Variants in DYNC1LI2 observed in about 807,000 individuals in gnomAD.
The protein encoded by DYNC1LI2 is cytoplasmic dynein 1 light intermediate chain 2.
In DYNC1LI2, 19 loss-of-function variants were observed where a neutral mutation model predicts 57.8. The ratio of observed to expected loss-of-function variants is 0.33; its 90% CI spans 0.23 to 0.48. DYNC1LI2 has a LOEUF of 0.48. DYNC1LI2 is among the 20% of genes least tolerant of loss of function. The pLI, the probability that DYNC1LI2 is intolerant of heterozygous loss-of-function variation, is 0.99. For synonymous variants in DYNC1LI2, 256 were observed against 233.4 expected (o/e 1.10, Z -0.88); for missense variants, 470 against 604.2 (o/e 0.78, Z 2.33).
At chr16:66,738,975 C>CCAT in intron 4 of DYNC1LI2, 1 of 149,798 alleles carries the variant, frequency 6.7e-6, no homozygotes, top group South Asian at 2.1e-4. Flanking sequence ...GTCAAGTAAA[C>CCAT]CATACTCCAT....
In DYNC1LI2 at chr16:66,729,104, G is replaced by T. The variant is rs999377295; in HGVS notation, c.1042-5C>A. 1 of 1,614,062 alleles carries T rather than the reference G, an allele frequency of 6.2e-7. No individual in the cohort carries two copies. The highest frequency in any genetic ancestry group is 1.3e-5 in the African/African-American group (1 of 75,052). On this transcript the variant is annotated splice_polypyrimidine_tract_variant and splice_region_variant and intron_variant, in intron 8 of 12. Transcript: ENST00000258198. ...CAACTCTTTGTCGTGGACCAGCTGTGAAACAACATACATGTTTGTGGCCAC... is the reference window on the plus strand; with the variant it reads ...CAACTCTTTGTCGTGGACCAGCTGTTAAACAACATACATGTTTGTGGCCAC...
chr16:66,744,175 C>T (rs2017895441), intron 3 of DYNC1LI2, among the ~76,000 whole-genome samples: 1 of 152,138 alleles, frequency 6.6e-6, no homozygotes, highest in Non-Finnish European at 1.5e-5. Context: ...CTTCAGCCTT[C>T]CAAGTAGCTG....
At position 66,750,641 on chromosome 16, in the gene DYNC1LI2, AGTGTT is replaced by A. The variant is rs1310218906; in HGVS notation, c.181+627_181+631del. ...TTCCACCAGACTGAGATTCTTCTAT[AGTGTT>A]TAAGAGTCGCCTATGCTGAGCCTGT... On this transcript the variant is annotated intron_variant, in intron 2 of 12. Coordinates refer to ENST00000258198, the MANE Select transcript of DYNC1LI2 (RefSeq NM_006141.3). Among the ~76,000 whole-genome samples the A allele has an allele frequency of 2.5e-4, 38 of 152,262 alleles. No homozygotes were observed. In the East Asian group the frequency reaches 7.2e-3, roughly 29 times the overall value.
Position 66,730,369 on chromosome 16 carries a change from G to A in DYNC1LI2, c.930-146C>T, listed in dbSNP as rs184879591. On this transcript the variant is annotated intron_variant, in intron 7 of 12. Transcript: ENST00000258198. ...GGGTTGTTTGTAGCTTTTGGCAGATGTGCCAAAATACACTGTGGGTATAAT... is the reference window on the plus strand; with the variant it reads ...GGGTTGTTTGTAGCTTTTGGCAGATATGCCAAAATACACTGTGGGTATAAT... The A allele has an allele frequency of 2.8e-5, 18 of 644,856 alleles. No individual in the cohort carries two copies. The East Asian group carries it at 4.6e-4, about 16-fold the overall frequency. The allele number at this position is 644,856 out of a possible 1,614,324, so 39.9% of individuals were successfully genotyped here. A position where few individuals can be genotyped will look rare whatever the true frequency, so the allele number is the denominator to read the frequency against.
At chr16:66,734,366 G>A (rs2017693208) in intron 5 of DYNC1LI2, 55 bp from the exon 6 acceptor site, 1 of 1,520,662 alleles carries the variant, frequency 6.6e-7, no homozygotes, top group African/African-American at 1.4e-5. Flanking sequence ...CTGACGATGG[G>A]AACACCTCAT....
chr16:66,735,100 G>GTTTTTT (rs71145936), intron 5 of DYNC1LI2, among the ~76,000 whole-genome samples: 27 of 134,780 alleles, frequency 2.0e-4, no homozygotes, highest in Non-Finnish European at 2.7e-4. Context: ...AACTTTGTTT[G>GTTTTTT]TTTTTTTTTT....
intron 3 of DYNC1LI2, among the ~76,000 whole-genome samples, chr16:66,743,059 G>A (rs550923732): frequency 2.0e-5 from 3 of 152,232 alleles, no homozygotes; most frequent in East Asian, 1.9e-4. Flanking sequence ...CTACTTAGGA[G>A]GCTGAGGCAG....
chr16:66,741,897 CAAAAAAAAA>C lies in DYNC1LI2; in HGVS notation c.529+532_529+540del, dbSNP rs66527903. ...TTAAAATAACCTTTCATGTTAATTA[CAAAAAAAAA>C]AAAAAAAAAAAAAAGACCCTCCTAT... On this transcript the variant is annotated intron_variant, in intron 4 of 12. Transcript: ENST00000258198. 6.1e-3 allele frequency among the ~76,000 whole-genome samples: 652 copies of C among 106,826 alleles called. 8 individuals carry two copies. The highest frequency in any genetic ancestry group is 0.022 in the African/African-American group (623 of 27,782). The allele number at this position is 106,826 out of a possible 152,430, so 70.1% of individuals were successfully genotyped here.
chr16:66,736,504 G>C (rs967870106), intron 4 of DYNC1LI2, among the ~76,000 whole-genome samples: 4 of 152,114 alleles, frequency 2.6e-5, no homozygotes, highest in Admixed American at 6.6e-5. Context: ...CCAAACCCCT[G>C]AACAGGTTTT....
At chr16:66,743,955 T>C (rs1435484439) in intron 3 of DYNC1LI2, among the ~76,000 whole-genome samples, 2 of 152,236 alleles carry the variant, frequency 1.3e-5, no homozygotes, top group South Asian at 2.1e-4. Flanking sequence ...TATGGCAGTA[T>C]ACATAGATAA....
Position 66,730,239 on chromosome 16 carries a change from G to A in DYNC1LI2, c.930-16C>T, listed in dbSNP as rs2017611646. ...GCCTGCAGGTCTAAAGGCAAAGAGA[G>A]AGGGACTGAATTGCTTTTCCTGGGG... On this transcript the variant is annotated splice_polypyrimidine_tract_variant and intron_variant, in intron 7 of 12. Coordinates refer to ENST00000258198, the MANE Select transcript of DYNC1LI2 (RefSeq NM_006141.3). The A allele has an allele frequency of 6.2e-7, 1 of 1,607,632 alleles. No individual in the cohort carries two copies. Among genetic ancestry groups the A allele is most frequent in the African/African-American group, 1.3e-5 (1 of 74,670 alleles).
In DYNC1LI2 at chr16:66,722,371, C is replaced by T. The variant is rs1164973934; in HGVS notation, c.*1351G>A. The T allele has an allele frequency of 6.6e-6, 1 of 152,536 alleles. No homozygotes were observed. The highest frequency in any genetic ancestry group is 1.5e-5 in the Non-Finnish European group (1 of 68,034). 9.4% of individuals were successfully genotyped at this position (152,536 alleles called of 1,614,324 possible). ...TTGACAACATTTTATACATTAAATT[C>T]ATGGTAGTGTTTGCATTTAAATGCT... On this transcript the variant is annotated 3_prime_UTR_variant, in exon 13 of 13. Transcript: ENST00000258198.
chr16:66,732,103 G>C, intron 7 of DYNC1LI2: 1 of 455,142 alleles, frequency 2.2e-6, no homozygotes, highest in Middle Eastern at 5.7e-4. Context: ...GCCAAAAATG[G>C]CTGGCTTAGG....
In DYNC1LI2 at chr16:66,751,201, G is replaced by A. The variant is rs2018042559; in HGVS notation, c.181+72C>T. 6.6e-6 allele frequency: 10 copies of A among 1,519,650 alleles called. No homozygotes were observed. The highest frequency in any genetic ancestry group is 4.2e-5 in the African/African-American group (3 of 71,600). 94.1% of individuals were successfully genotyped at this position (1,519,650 alleles called of 1,614,324 possible). A position where few individuals can be genotyped will look rare whatever the true frequency, so the allele number is the denominator to read the frequency against. On this transcript the variant is annotated intron_variant, in intron 2 of 12. Coordinates refer to ENST00000258198, the MANE Select transcript of DYNC1LI2 (RefSeq NM_006141.3). The surrounding 1 kb of genome is among the most constrained non-coding windows in gnomAD (Gnocchi z 5.2). ...GCAGGCGGCTGGAACGGGGAAGGCG[G>A]GGACCTGAGGGAGGGGCGCCCGCCT... is the stretch of plus-strand genomic sequence containing the variant.
At chr16:66,731,934 G>C (rs935760) in intron 7 of DYNC1LI2, 81,790 of 162,752 alleles carry the variant, frequency 0.5, 21,516 homozygotes, top group African/African-American at 0.64. Flanking sequence ...TTAATATAGC[G>C]AAAGCCCATG....
chr16:66,724,282 A>AATAAGAT (rs2017498968), intron 12 of DYNC1LI2, among the ~76,000 whole-genome samples: 1 of 152,238 alleles, frequency 6.6e-6, no homozygotes, highest in Admixed American at 6.5e-5. Flanking sequence ...TTTCAATAAG[A>AATAAGAT]ATAAGATAGT....
At chr16:66,746,486 A>ACC (rs1180144282) in intron 3 of DYNC1LI2, among the ~76,000 whole-genome samples, 1 of 152,250 alleles carries the variant, frequency 6.6e-6, no homozygotes, top group Non-Finnish European at 1.5e-5. Context: ...ATCAAACAGG[A>ACC]ACTTGCAAGC....
rs555289602 is a variant in DYNC1LI2 at position 66,727,437 on chromosome 16, C to T, written c.1261+251G>A. Among the ~76,000 whole-genome samples the T allele has an allele frequency of 1.9e-3, 289 of 152,226 alleles. 1 individual carries two copies. The highest frequency in any genetic ancestry group is 4.4e-3 in the Admixed American group (68 of 15,284). On this transcript the variant is annotated intron_variant, in intron 11 of 12. Coordinates refer to ENST00000258198, the MANE Select transcript of DYNC1LI2 (RefSeq NM_006141.3). ...TTCCTCTCTGAAGGAATGAGCAGGG[C>T]CTAAGTGAGGTCTCACACAGAGCCA... is the stretch of plus-strand genomic sequence containing the variant.
In DYNC1LI2 at chr16:66,751,367, G is replaced by A. The variant is rs751030639; in HGVS notation, c.108-21C>T. 1.9e-6 allele frequency: 3 copies of A among 1,610,218 alleles called. No individual in the cohort carries two copies. Among genetic ancestry groups the A allele is most frequent in the Admixed American group, 1.7e-5 (1 of 59,876 alleles). On this transcript the variant is annotated intron_variant, in intron 1 of 12. Coordinates refer to ENST00000258198, the MANE Select transcript of DYNC1LI2 (RefSeq NM_006141.3). This position sits in a 1 kb window ranked among gnomAD's most constrained non-coding sequence, Gnocchi z 5.2. The stretch of plus-strand genomic sequence containing the variant: ...AGGACCTGTGGCGACAATGGCAAGA[G>A]TGGTCAGCCCCGGGCCGGGCTGGGA...
Sources: allele counts gnomAD v4.1 joint callset (sites outside exome capture counted in the v4.1 genomes callset), GRCh38; gene constraint gnomAD v4.1.1; non-coding constraint Gnocchi (gnomAD v3.1); transcripts MANE v1.5; gene names NCBI Gene and HGNC (gene_info 2026-07-23, HGNC 2026-07-21).